The following DPH6 variants were observed in gnomAD, a reference collection of about 807,000 sequenced individuals.
DPH6 encodes diphthine--ammonia ligase.
Under a neutral mutation model 38.2 loss-of-function variants are expected in DPH6, and 33 were observed. The ratio of observed to expected loss-of-function variants is 0.86; its 90% CI spans 0.65 to 1.15. The LOEUF (loss-of-function observed/expected upper bound fraction) is 1.15. DPH6 is among the 50% of genes most tolerant of loss of function. The pLI is 0.00. For missense variants in DPH6, 325 were observed against 320.0 expected (o/e 1.02, Z -0.12); for synonymous variants, 108 against 103.0 (o/e 1.05, Z -0.30).
At chr15:35,381,790 G>GA (rs760536414) in intron 7 of DPH6, 32 bp downstream of exon 7, 1 of 1,572,512 alleles carries the variant, frequency 6.4e-7, no homozygotes, top group Admixed American at 1.7e-5. Context: ...AAATTTATGG[G>GA]AAAAAAAGAA....
intron 3 of DPH6, among the ~76,000 whole-genome samples, chr15:35,459,797 A>G (rs1226196717): frequency 6.6e-6 from 1 of 152,200 alleles, no homozygotes; most frequent in East Asian, 1.9e-4. Context: ...GTGCACAAAT[A>G]TACAGAAAAT....
chr15:35,150,721 T>TA, the DPH6 span, among the ~76,000 whole-genome samples: 1 of 152,082 alleles, frequency 6.6e-6, no homozygotes, highest in African/African-American at 2.4e-5. Flanking sequence ...TGCAAAGTAA[T>TA]AAAAACAATC....
At chr15:35,302,330 TGTA>T (rs2052059955) in intron 3 of DPH6, among the ~76,000 whole-genome samples, 1 of 152,246 alleles carries the variant, frequency 6.6e-6, no homozygotes, top group South Asian at 2.1e-4. Context: ...GTTTCTTTAT[TGTA>T]GTAGATAAAA....
In DPH6 at chr15:35,422,581, A is replaced by G. The variant is rs138376930; in HGVS notation, c.506-11685T>C. 3.9e-5 allele frequency among the ~76,000 whole-genome samples: 6 copies of G among 152,048 alleles called. No homozygotes were observed. In the East Asian group the frequency reaches 1.2e-3, roughly 29 times the overall value. On this transcript the variant is annotated intron_variant, in intron 5 of 8. Transcript: ENST00000256538. ...CCATTTGTGTGTGTGTTGTGAGAAC[A>G]CTTAAGATCTATCCTCTTAGCAAAT...
At chr15:35,346,734 A>T (rs2052465086) in intron 3 of DPH6, among the ~76,000 whole-genome samples, 1 of 152,124 alleles carries the variant, frequency 6.6e-6, no homozygotes, top group African/African-American at 2.4e-5. Context: ...CTTTCCGTTT[A>T]TCCAGTGTAT....
intron 3 of DPH6, among the ~76,000 whole-genome samples, chr15:35,463,174 A>T (rs1014929052): frequency 2.0e-5 from 3 of 152,118 alleles, no homozygotes; most frequent in Admixed American, 6.6e-5. Flanking sequence ...TTTGATAAAT[A>T]CTCAGATTAA....
chr15:35,447,495 G>A (rs2053870949), intron 5 of DPH6, among the ~76,000 whole-genome samples: 1 of 151,366 alleles, frequency 6.6e-6, no homozygotes, highest in African/African-American at 2.4e-5. Context: ...CCCCATGATT[G>A]GGCTAACTGG....
Position 35,372,044 on chromosome 15 carries a change from T to C in DPH6, c.*106A>G. On this transcript the variant is annotated 3_prime_UTR_variant, in exon 9 of 9. Transcript: ENST00000256538. ...GTGAAAGTATGTTTCTCTAAAAAAA[T>C]AAGAGTCATGAGAAAAAAATAAACT... 3 of 1,437,856 alleles carry C rather than the reference T, an allele frequency of 2.1e-6. No homozygotes were observed. The highest frequency in any genetic ancestry group is 1.8e-6 in the Non-Finnish European group (2 of 1,099,576). 89.1% of individuals were successfully genotyped at this position (1,437,856 alleles called of 1,614,324 possible). A position where few individuals can be genotyped will look rare whatever the true frequency, so the allele number is the denominator to read the frequency against.
the DPH6 span, among the ~76,000 whole-genome samples, chr15:35,190,407 G>T: frequency 6.6e-6 from 1 of 152,190 alleles, no homozygotes; most frequent in African/African-American, 2.4e-5. Flanking sequence ...AGTGTTGATT[G>T]GTTGGGTCAG....
chr15:35,483,794 G>T (rs528336193), intron 3 of DPH6, among the ~76,000 whole-genome samples: 1 of 152,266 alleles, frequency 6.6e-6, no homozygotes, highest in South Asian at 2.1e-4. Context: ...TTCAATTTTC[G>T]ATTAATTTGT....
chr15:35,496,056 T>C (rs1326067592), intron 3 of DPH6, among the ~76,000 whole-genome samples: 1 of 152,184 alleles, frequency 6.6e-6, no homozygotes, highest in Non-Finnish European at 1.5e-5. Context: ...TTCAAGTATA[T>C]ATCAAATGTG....
At chr15:35,370,627 C>T (rs893458239), downstream of DPH6, among the ~76,000 whole-genome samples, 6 of 151,654 alleles carry the variant, frequency 4.0e-5, no homozygotes, top group Admixed American at 6.6e-5. Context: ...ACTAAAACAA[C>T]AATGAGAGAA....
At chr15:35,358,157 T>G (rs1490794414) in intron 3 of DPH6, among the ~76,000 whole-genome samples, 1 of 152,240 alleles carries the variant, frequency 6.6e-6, no homozygotes, top group Non-Finnish European at 1.5e-5. Context: ...TTCTTCTACT[T>G]GTTCAATTCT....
chr15:35,297,347 T>A (rs1410952305), intron 3 of DPH6, among the ~76,000 whole-genome samples: 4 of 149,412 alleles, frequency 2.7e-5, no homozygotes, highest in Middle Eastern at 3.2e-3. Context: ...TTTTTTTTTT[T>A]AAACCTATTA....
intron 5 of DPH6, among the ~76,000 whole-genome samples, chr15:35,436,237 C>T (rs956300133): frequency 4.6e-5 from 7 of 151,978 alleles, no homozygotes; most frequent in South Asian, 2.1e-4. Flanking sequence ...GAGGCCAAGG[C>T]AGGCGGATCA....
the DPH6 span, among the ~76,000 whole-genome samples, chr15:35,191,694 TA>T: frequency 6.6e-6 from 1 of 152,212 alleles, no homozygotes; most frequent in East Asian, 1.9e-4. Flanking sequence ...CTCCCAATCC[TA>T]AAACTTGAAA....
rs1179922489 is a variant in DPH6 at position 35,371,140 on chromosome 15, A to T, written c.*1010T>A. 6.6e-6 allele frequency: 1 copy of T among 151,848 alleles called. No individual in the cohort carries two copies. The highest frequency in any genetic ancestry group is 1.5e-5 in the Non-Finnish European group (1 of 67,810). 9.4% of individuals were successfully genotyped at this position (151,848 alleles called of 1,614,324 possible). ...TACTGTATGATTTCAACTACATTAC[A>T]TTCTGGTAAAAGCAAAACTATGTAC... is the stretch of plus-strand genomic sequence containing the variant. On this transcript the variant is annotated 3_prime_UTR_variant, in exon 9 of 9. Transcript: ENST00000256538.
At chr15:35,274,199 G>C (rs1463906116) in intron 3 of DPH6, among the ~76,000 whole-genome samples, 3 of 152,152 alleles carry the variant, frequency 2.0e-5, no homozygotes, top group African/African-American at 4.8e-5. Context: ...TGGCTAGCCA[G>C]ATGCAGAAAA....
chr15:35,152,626 A>T, the DPH6 span, among the ~76,000 whole-genome samples: 6 of 152,054 alleles, frequency 3.9e-5, no homozygotes, highest in Admixed American at 6.6e-5. Flanking sequence ...CAGCCTCCCA[A>T]GTAGCTAGGA....
Sources: gnomAD v4.1 joint callset for allele counts (sites outside exome capture counted in the v4.1 genomes callset) on GRCh38, gnomAD v4.1.1 for gene constraint, MANE v1.5 for transcripts, NCBI Gene and HGNC (gene_info 2026-07-23, HGNC 2026-07-21) for gene names.